Variants in SRGAP3 observed in about 807,000 individuals in gnomAD.
The protein encoded by SRGAP3 is SLIT-ROBO Rho GTPase-activating protein 3.
A neutral mutation model predicts 121.1 loss-of-function variants in SRGAP3; 39 were observed. That is an observed-to-expected ratio of 0.32 (90% CI 0.25 to 0.42). The LOEUF is 0.42. Among genes scored for constraint, SRGAP3 ranks in the 10% least tolerant of loss-of-function variants. SRGAP3 has a pLI of 1.00. For synonymous variants in SRGAP3, 601 were observed against 570.0 expected, an observed-to-expected ratio of 1.05 and a Z score of -0.77; for missense variants, 1,213 against 1,470.6, an observed-to-expected ratio of 0.82 and a Z score of 2.86.
intron 1 of SRGAP3, among the ~76,000 whole-genome samples, chr3:9,210,247 A>G (rs1425428878): frequency 6.6e-6 from 1 of 152,214 alleles, no homozygotes; most frequent in Non-Finnish European, 1.5e-5. Flanking sequence ...ACAATTCTGA[A>G]TATTTACCAA....
At chr3:9,274,911 G>A (rs1954542870) in intron 3 of SRGAP3, among the ~76,000 whole-genome samples, 1 of 151,638 alleles carries the variant, frequency 6.6e-6, no homozygotes, top group South Asian at 2.1e-4. Context: ...TCTGCCAGCT[G>A]AGCCTGGGGA....
At chr3:9,084,933 T>A (rs1291106117) in intron 3 of SRGAP3, among the ~76,000 whole-genome samples, 1 of 152,176 alleles carries the variant, frequency 6.6e-6, no homozygotes, top group African/African-American at 2.4e-5. Flanking sequence ...GCAGAGGGGA[T>A]GACTTTGGGG....
intron 1 of SRGAP3, among the ~76,000 whole-genome samples, chr3:9,171,705 G>T (rs1950980538): frequency 1.3e-5 from 2 of 152,198 alleles, no homozygotes; most frequent in South Asian, 4.1e-4. Flanking sequence ...GAAGGAACCA[G>T]ATAGCTAAAG....
chr3:8,985,486 A>C lies in SRGAP3; in HGVS notation c.*33T>G. The C allele has an allele frequency of 6.3e-7, 1 of 1,596,940 alleles. No homozygotes were observed. Among genetic ancestry groups the C allele is most frequent in the Non-Finnish European group, 8.5e-7 (1 of 1,178,752 alleles). ...GCCACCCTGGGCCGTGGTGAGCCACAGCGGGCCACGGCGGCGCGGCCCATC... is the reference window on the plus strand; with the variant it reads ...GCCACCCTGGGCCGTGGTGAGCCACCGCGGGCCACGGCGGCGCGGCCCATC... On this transcript the variant is annotated 3_prime_UTR_variant, in exon 22 of 22. Transcript: ENST00000383836. The surrounding 1 kb of genome is among the most constrained non-coding windows in gnomAD (Gnocchi z 5.1).
upstream of SRGAP3, among the ~76,000 whole-genome samples, chr3:9,250,496 T>G (rs1245752463): frequency 6.6e-6 from 1 of 152,072 alleles, no homozygotes; most frequent in African/African-American, 2.4e-5. Flanking sequence ...ATAAGCACAG[T>G]AAGTATATTA....
intron 2 of SRGAP3, among the ~76,000 whole-genome samples, chr3:9,112,726 C>T (rs1007655226): frequency 6.6e-6 from 1 of 152,184 alleles, no homozygotes; most frequent in African/African-American, 2.4e-5. Context: ...CCCTGGCCAC[C>T]CACACACCCT....
At chr3:9,192,916 G>C (rs1560387603) in intron 1 of SRGAP3, 2 of 154,534 alleles carry the variant, frequency 1.3e-5, no homozygotes, top group Non-Finnish European at 2.9e-5. Flanking sequence ...GACTGCAGAG[G>C]GGAATGGATG....
chr3:9,310,627 A>T (rs926111369), intron 3 of SRGAP3, among the ~76,000 whole-genome samples: 2 of 152,196 alleles, frequency 1.3e-5, no homozygotes, highest in Non-Finnish European at 2.9e-5. Context: ...AACTGCTATA[A>T]CCAGTTGATA....
intron 18 of SRGAP3, among the ~76,000 whole-genome samples, chr3:8,995,860 T>C (rs1311993250): frequency 6.6e-6 from 1 of 152,260 alleles, no homozygotes; most frequent in African/African-American, 2.4e-5. Context: ...TCTTACTTTT[T>C]TTTATTTTAA....
At chr3:9,090,903 C>T (rs1947726154) in intron 3 of SRGAP3, among the ~76,000 whole-genome samples, 1 of 152,156 alleles carries the variant, frequency 6.6e-6, no homozygotes, top group Non-Finnish European at 1.5e-5. Flanking sequence ...TCCCAAAGAG[C>T]TGGGATTACA....
chr3:9,055,383 T>C (rs1282551801), intron 8 of SRGAP3, among the ~76,000 whole-genome samples: 3 of 152,260 alleles, frequency 2.0e-5, no homozygotes, highest in Admixed American at 2.0e-4. Context: ...CCCTCCATCC[T>C]GGTGTCCTTT....
chr3:9,302,193 A>T (rs1955070546), intron 3 of SRGAP3, among the ~76,000 whole-genome samples: 1 of 152,122 alleles, frequency 6.6e-6, no homozygotes, highest in Non-Finnish European at 1.5e-5. Context: ...CTGCTGGGTA[A>T]GGGGAGGCCA....
chr3:9,167,943 A>C (rs1397055044), intron 1 of SRGAP3, among the ~76,000 whole-genome samples: 1 of 152,168 alleles, frequency 6.6e-6, no homozygotes, highest in Non-Finnish European at 1.5e-5. Flanking sequence ...CCTAATGACA[A>C]ATAATGGTAG....
intron 3 of SRGAP3, among the ~76,000 whole-genome samples, chr3:9,082,564 C>T (rs1947293186): frequency 6.6e-6 from 1 of 152,204 alleles, no homozygotes; most frequent in East Asian, 1.9e-4. Context: ...GTTATAGACA[C>T]CTAAAAGGAC....
At chr3:9,065,803 T>C (rs763830114) in intron 4 of SRGAP3, among the ~76,000 whole-genome samples, 5 of 152,252 alleles carry the variant, frequency 3.3e-5, no homozygotes, top group African/African-American at 7.2e-5. Flanking sequence ...TGAATACTTA[T>C]GTACATTTCT....
At chr3:9,046,900 G>A (rs1483609378) in intron 10 of SRGAP3, among the ~76,000 whole-genome samples, 3 of 151,174 alleles carry the variant, frequency 2.0e-5, no homozygotes, top group South Asian at 2.1e-4. Context: ...GCATGATCTC[G>A]GCTCACTGCA....
Position 9,018,442 on chromosome 3 carries a change from T to C in SRGAP3, c.1679-2711A>G, listed in dbSNP as rs770966829. Among the ~76,000 whole-genome samples, 13 of 152,360 alleles carry C rather than the reference T, an allele frequency of 8.5e-5. 1 individual carries two copies. Among genetic ancestry groups the C allele is most frequent in the Middle Eastern group, 3.4e-3 (1 of 294 alleles). ...TGAGAAATCTCCATGCTGTTTTCCATAGTGGCTGTATTAATTTACATTCCC... is the reference window on the plus strand; with the variant it reads ...TGAGAAATCTCCATGCTGTTTTCCACAGTGGCTGTATTAATTTACATTCCC... On this transcript the variant is annotated intron_variant, in intron 14 of 21. Transcript: ENST00000383836.
At chr3:9,033,711 C>T (rs2125096243) in intron 11 of SRGAP3, 1 of 152,436 alleles carries the variant, frequency 6.6e-6, no homozygotes, top group South Asian at 2.1e-4. Context: ...GCATGAGCCT[C>T]CTTACCCAGC....
chr3:9,064,252 C>T (rs948070765), intron 5 of SRGAP3, 144 bp downstream of exon 5: 25 of 1,081,656 alleles, frequency 2.3e-5, no homozygotes, highest in Admixed American at 2.2e-4. Context: ...GAGATGCTGG[C>T]TACATTGTCC....
Sources: gnomAD v4.1 joint callset for allele counts (sites outside exome capture counted in the v4.1 genomes callset) on GRCh38, gnomAD v4.1.1 for gene constraint, Gnocchi (gnomAD v3.1) non-coding constraint, MANE v1.5 for transcripts, NCBI Gene and HGNC (gene_info 2026-07-23, HGNC 2026-07-21) for gene names.